STYXL2: variants seen among roughly 807,000 people sequenced by gnomAD.
STYXL2 encodes serine/threonine/tyrosine-interacting-like protein 2.
STYXL2 carries 44 observed loss-of-function variants against 52.4 expected under a neutral mutation model. That is an observed-to-expected ratio of 0.84 (90% confidence interval 0.66 to 1.08). STYXL2 has a LOEUF of 1.08. Ranked by LOEUF, STYXL2 falls within the 50% of genes least tolerant of loss-of-function variation. STYXL2 has a pLI of 0.00. For missense variants in STYXL2, 1,604 were observed against 1,471.7 expected (o/e 1.09, Z -1.47); for synonymous variants, 604 against 586.9 (o/e 1.03, Z -0.42).
chr1:167,100,620 C>G lies in STYXL2; in HGVS notation c.110+5661C>G, dbSNP rs150353989. 6.4e-3 allele frequency among the ~76,000 whole-genome samples: 981 copies of G among 152,262 alleles called. 7 individuals are homozygous for G. Among genetic ancestry groups the G allele is most frequent in the Non-Finnish European group, 0.01 (714 of 68,004 alleles). ...CCTTTTCAGCAGCCATTCTCCCTTC[C>G]TAGGCAAAAACAGGCTCAACCTGAA... On this transcript the variant is annotated intron_variant, in intron 2 of 5. Transcript: ENST00000361200.
chr1:167,126,003 G>T lies in STYXL2; in HGVS notation c.872G>T (p.Gly291Val). ...EREEDYGREG[G>V]SAEAEEGEGT... ...GAAGAGGACTATGGCCGGGAGGGGG[G>T]ATCAGCTGAGGCTGAGGAGGGCGAG... is the stretch of plus-strand genomic sequence containing the variant. The change falls in exon 6 of 6, where the codon GGA becomes GTA. Residue 291 changes from glycine (G) to valine (V), a missense_variant. Physicochemically the swap from Gly to Val is moderately radical, Grantham distance 109. Transcript: ENST00000361200. The T allele has an allele frequency of 1.2e-6, 2 of 1,609,758 alleles. No homozygotes were observed. The highest frequency in any genetic ancestry group is 1.7e-6 in the Non-Finnish European group (2 of 1,178,012).
At chr1:167,110,197 C>T (rs1667588143) in intron 2 of STYXL2, among the ~76,000 whole-genome samples, 1 of 152,190 alleles carries the variant, frequency 6.6e-6, no homozygotes, top group African/African-American at 2.4e-5. Flanking sequence ...CAAGAGAACA[C>T]CACATGAGAC....
Position 167,127,268 on chromosome 1 carries a change from G to C in STYXL2, c.2137G>C (p.Gly713Arg), listed in dbSNP as rs774846028. Residue 713 changes from glycine to arginine, a missense_variant, in exon 6 of 6, where the codon GGG becomes CGG. Gly to Arg is a moderately radical substitution (Grantham distance 125, BLOSUM62 -2). Coordinates refer to ENST00000361200, the MANE Select transcript of STYXL2 (RefSeq NM_001080426.3). ...PTTPLPNLPV[G>R]PGDTISIASI... The stretch of plus-strand genomic sequence containing the variant: ...CACACCCCTGCCTAACCTGCCAGTG[G>C]GGCCTGGAGACACCATTTCCATTGC... 6.2e-6 allele frequency: 10 copies of C among 1,614,198 alleles called. No homozygotes were observed. In the East Asian group the frequency reaches 2.2e-4, roughly 36 times the overall value.
intron 2 of STYXL2, among the ~76,000 whole-genome samples, chr1:167,108,150 C>G (rs1244517397): frequency 8.5e-5 from 13 of 152,182 alleles, no homozygotes; most frequent in Admixed American, 6.5e-4. Context: ...CCTGGCCCAG[C>G]CTTACCATGG....
intron 2 of STYXL2, among the ~76,000 whole-genome samples, chr1:167,113,432 A>C (rs1667657040): frequency 6.6e-6 from 1 of 152,220 alleles, no homozygotes; most frequent in Non-Finnish European, 1.5e-5. Flanking sequence ...GGGTTCCCCC[A>C]AGCGTAGATG....
rs772706778 is a variant in STYXL2, at chr1:167,126,545, T to C, written c.1414T>C (p.Ser472Pro). The change falls in exon 6 of 6, where the codon TCC becomes CCC. Residue 472 changes from serine to proline, a missense_variant. By Grantham distance (74) the Ser-to-Pro change is moderately conservative. Transcript: ENST00000361200. ...HGRRRRADSM[S>P]SESTWDAWNE... Reference sequence around the variant, plus strand: ...CAGGAGGCGCCGCGCAGACTCGATGTCCTCGGAGAGCACCTGGGACGCATG... The same window carrying C: ...CAGGAGGCGCCGCGCAGACTCGATGCCCTCGGAGAGCACCTGGGACGCATG... 3 of 1,613,638 alleles carry C rather than the reference T, an allele frequency of 1.9e-6. No individual in the cohort carries two copies. The Admixed American group carries it at 5.0e-5, about 27-fold the overall frequency.
chr1:167,122,166 T>C (rs958810834), intron 5 of STYXL2, among the ~76,000 whole-genome samples: 1 of 152,152 alleles, frequency 6.6e-6, no homozygotes, highest in Non-Finnish European at 1.5e-5. Context: ...ATCAAGACTC[T>C]CTTGGTTGCT....
intron 4 of STYXL2, among the ~76,000 whole-genome samples, chr1:167,118,466 T>C (rs1257774456): frequency 6.6e-6 from 1 of 152,210 alleles, no homozygotes; most frequent in Non-Finnish European, 1.5e-5. Context: ...AGTAATCAGT[T>C]GCCTAGAACT....
chr1:167,106,987 T>A lies in STYXL2; in HGVS notation c.111-6723T>A, dbSNP rs999746294. Among the ~76,000 whole-genome samples, 5 of 152,210 alleles carry A rather than the reference T, an allele frequency of 3.3e-5. No homozygotes were observed. In the East Asian group the frequency reaches 9.6e-4, roughly 29 times the overall value. The stretch of plus-strand genomic sequence containing the variant: ...GGACAATAATTTCATTTTGCTCCCC[T>A]TTTTGTGGGTCAGGAATTTGGACAG... On this transcript the variant is annotated intron_variant, in intron 2 of 5. Coordinates refer to ENST00000361200, the MANE Select transcript of STYXL2 (RefSeq NM_001080426.3).
intron 2 of STYXL2, among the ~76,000 whole-genome samples, chr1:167,100,678 C>G (rs1667385951): frequency 6.6e-6 from 1 of 152,178 alleles, no homozygotes; most frequent in South Asian, 2.1e-4. Context: ...GGCTGAACTT[C>G]CTTAAAACAT....
At chr1:167,096,019 G>A (rs373695665) in intron 2 of STYXL2, among the ~76,000 whole-genome samples, 1 of 152,036 alleles carries the variant, frequency 6.6e-6, no homozygotes, top group East Asian at 1.9e-4. Context: ...CATTATGTTG[G>A]GAGGCCGAGG....
Position 167,126,988 on chromosome 1 carries a change from G to A in STYXL2, c.1857G>A (p.Leu619=), listed in dbSNP as rs2102250411. The A allele has an allele frequency of 6.2e-7, 1 of 1,608,434 alleles. No homozygotes were observed. Among genetic ancestry groups the A allele is most frequent in the Non-Finnish European group, 8.5e-7 (1 of 1,176,850 alleles). Residue 619 remains leucine, a synonymous_variant, in exon 6 of 6, where the codon TTG becomes TTA. Coordinates refer to ENST00000361200, the MANE Select transcript of STYXL2 (RefSeq NM_001080426.3). The stretch of plus-strand genomic sequence containing the variant: ...TCAGCAAGGGGGAGGACTCGGCCTT[G>A]GCTAAGAAGAGACAACGGAGGCTGG... ...VELSKGEDSA[L]AKKRQRRLEL... is the part of the protein sequence containing the mutation.
intron 2 of STYXL2, among the ~76,000 whole-genome samples, chr1:167,098,376 T>C (rs1167316689): frequency 6.6e-6 from 1 of 151,992 alleles, no homozygotes. Context: ...CTCAGGAAGC[T>C]GAGGCAACAG....
chr1:167,125,520 C>T (rs1667943136), intron 5 of STYXL2, among the ~76,000 whole-genome samples: 1 of 152,224 alleles, frequency 6.6e-6, no homozygotes, highest in Non-Finnish European at 1.5e-5. Context: ...TCTCCTCCCT[C>T]TGTTGCTCGG....
At chr1:167,115,841 T>G (rs759564280) in intron 3 of STYXL2, among the ~76,000 whole-genome samples, 26 of 151,918 alleles carry the variant, frequency 1.7e-4, no homozygotes, top group Non-Finnish European at 2.5e-4. Flanking sequence ...TGCAGGGATG[T>G]GGGGGTCCCT....
intron 3 of STYXL2, among the ~76,000 whole-genome samples, chr1:167,116,058 G>A (rs878870601): frequency 2.0e-5 from 3 of 152,128 alleles, no homozygotes; most frequent in Non-Finnish European, 4.4e-5. Flanking sequence ...TGCCCATCAG[G>A]GAAGAGATGG....
In STYXL2 at chr1:167,126,053, A is replaced by G; in HGVS notation, c.922A>G (p.Arg308Gly). ...GGGCACTGGGAGCATGCTCGGGGCC[A>G]GAGTGCACGCCCTGACGGTGGAAGA... ...GEGTGSMLGA[R>G]VHALTVEEED... is the part of the protein sequence containing the mutation. The change falls in exon 6 of 6, where the codon AGA becomes GGA. Residue 308 changes from arginine to glycine, a missense_variant. Physicochemically the swap from Arg to Gly is moderately radical, Grantham distance 125. Coordinates refer to ENST00000361200, the MANE Select transcript of STYXL2 (RefSeq NM_001080426.3). 3.8e-6 allele frequency: 6 copies of G among 1,577,372 alleles called. No homozygotes were observed. The highest frequency in any genetic ancestry group is 5.2e-6 in the Non-Finnish European group (6 of 1,162,478).
chr1:167,118,245 C>G (rs1445119238), intron 4 of STYXL2, among the ~76,000 whole-genome samples: 1 of 145,370 alleles, frequency 6.9e-6, no homozygotes, highest in Non-Finnish European at 1.6e-5. Flanking sequence ...ACAAAAACAA[C>G]TCACTCACAT....
At chr1:167,120,534 A>T (rs1352556264) in intron 5 of STYXL2, among the ~76,000 whole-genome samples, 1 of 152,144 alleles carries the variant, frequency 6.6e-6, no homozygotes, top group East Asian at 1.9e-4. Flanking sequence ...ATTGTTAATG[A>T]TTTCCTGGAA....
Sources: gnomAD v4.1 joint callset for allele counts (sites outside exome capture counted in the v4.1 genomes callset) on GRCh38, gnomAD v4.1.1 for gene constraint, MANE v1.5 for transcripts, NCBI Gene and HGNC (gene_info 2026-07-23, HGNC 2026-07-21) for gene names.